BRICD5: variants seen among roughly 807,000 people sequenced by gnomAD.
The protein encoded by BRICD5 is BRICHOS domain-containing protein 5.
In BRICD5, 51 loss-of-function variants were observed where a neutral mutation model predicts 28.4. The observed-to-expected ratio is 1.80, with a 90% CI of 1.43 to 2.27. The LOEUF (loss-of-function observed/expected upper bound fraction) is 2.27. Among genes scored for constraint, BRICD5 ranks in the 30% most tolerant of loss-of-function variants. BRICD5 has a pLI of 0.00. For synonymous variants in BRICD5, 177 were observed against 130.2 expected (o/e 1.36, Z -2.44); for missense variants, 456 against 309.6 (o/e 1.47, Z -3.55).
Position 2,210,860 on chromosome 16 carries a change from G to T in BRICD5, c.-27C>A, listed in dbSNP as rs373685577. The T allele has an allele frequency of 7.5e-6, 12 of 1,599,834 alleles. No individual in the cohort carries two copies. The highest frequency in any genetic ancestry group is 1.3e-5 in the African/African-American group (1 of 75,028). ...CTGCAGCCCCTGCTCACAATGTGCC[G>T]ATTGTCTGCGTCCCTTGTCTGCAGC... On this transcript the variant is annotated 5_prime_UTR_variant, in exon 1 of 6. Transcript: ENST00000328540.
intron 5 of BRICD5, 24 bp downstream of exon 5, chr16:2,209,529 T>C (rs1567284357): frequency 6.2e-7 from 1 of 1,612,356 alleles, no homozygotes; most frequent in Non-Finnish European, 8.5e-7. Context: ...GGCCTGGCCT[T>C]CCCCCACAGC....
rs542599330 is a variant in BRICD5 at position 2,210,151 on chromosome 16, C to T, written c.311G>A (p.Trp104Ter). Reference sequence around the variant, plus strand: ...GCTCTGCCCGTCGAACAGCACCGCCCAGCTGTGGTTGCTCTGAGGTGGGGT... The same window carrying T: ...GCTCTGCCCGTCGAACAGCACCGCCTAGCTGTGGTTGCTCTGAGGTGGGGT... ...TVTPPQSNHS[W>*]AVLFDGQSGC... The change falls in exon 3 of 6, where the codon TGG (tryptophan) becomes TAG (stop). Residue 104 changes from tryptophan (W) to a stop codon, truncating the protein, a stop_gained. Coordinates refer to ENST00000328540, the MANE Select transcript of BRICD5 (RefSeq NM_182563.4). LOFTEE classifies it high-confidence loss of function. 59 of 1,609,174 alleles carry T rather than the reference C, an allele frequency of 3.7e-5. No individual in the cohort carries two copies. Among genetic ancestry groups the T allele is most frequent in the South Asian group, 3.2e-4 (29 of 90,440 alleles).
rs138206727 is a variant in BRICD5, at chr16:2,210,364, C to T, written c.181-83G>A. On this transcript the variant is annotated intron_variant, in intron 2 of 5. Coordinates refer to ENST00000328540, the MANE Select transcript of BRICD5 (RefSeq NM_182563.4). ...GCTCTGGGCTGCAGGACTCCTGACACCCCTGAGTGGGCCCTTCCACCCCTT... is the reference window on the plus strand; with the variant it reads ...GCTCTGGGCTGCAGGACTCCTGACATCCCTGAGTGGGCCCTTCCACCCCTT... 8.7e-4 allele frequency: 1,325 copies of T among 1,527,586 alleles called. 6 individuals carry two copies. In the African/African-American group the frequency reaches 0.014, roughly 16 times the overall value. 94.6% of individuals were successfully genotyped at this position (1,527,586 alleles called of 1,614,324 possible).
rs1340495947 is a variant in BRICD5 at position 2,210,296 on chromosome 16, TG to T, written c.181-16del. 2.0e-6 allele frequency: 3 copies of T among 1,516,258 alleles called. No homozygotes were observed. The highest frequency in any genetic ancestry group is 1.4e-5 in the African/African-American group (1 of 72,816). 93.9% of individuals were successfully genotyped at this position (1,516,258 alleles called of 1,614,324 possible). ...TGCAGCCTTGGCTGGCAGTGGGAGTTGGAGTTCAGCCGGGCAGCTGTGCAAC... is the reference window on the plus strand; with the variant it reads ...TGCAGCCTTGGCTGGCAGTGGGAGTTGAGTTCAGCCGGGCAGCTGTGCAAC... On this transcript the variant is annotated splice_polypyrimidine_tract_variant and intron_variant, in intron 2 of 5. Transcript: ENST00000328540.
intron 3 of BRICD5, 34 bp downstream of exon 3, chr16:2,210,092 C>T (rs1374499979): frequency 6.2e-7 from 1 of 1,603,894 alleles, no homozygotes; most frequent in Admixed American, 1.7e-5. Flanking sequence ...CCCAGACCGA[C>T]ACCTGCCAGG....
intron 4 of BRICD5, 83 bp from the exon 5 acceptor site, chr16:2,209,789 A>G (rs2093364710): frequency 5.5e-6 from 8 of 1,445,746 alleles, no homozygotes; most frequent in Non-Finnish European, 7.5e-6. Flanking sequence ...TCCAACCCCC[A>G]GTGATGTCCC....
At position 2,210,816 on chromosome 16, in the gene BRICD5, G is replaced by T; in HGVS notation, c.18C>A (p.Cys6Ter). ...GCCCAGGTTTGGGGCGCTCAGCACA[G>T]CAGCTTGCTGGTTCCATCCTGCAGC... is the stretch of plus-strand genomic sequence containing the variant. MEPAS[C>*]CAERPKPGPT... The change falls in exon 1 of 6, where the codon TGC becomes TGA. Residue 6 changes from cysteine to a stop codon, truncating the protein, a stop_gained. Coordinates refer to ENST00000328540, the MANE Select transcript of BRICD5 (RefSeq NM_182563.4). LOFTEE classifies it high-confidence loss of function. 3 of 1,603,772 alleles carry T rather than the reference G, an allele frequency of 1.9e-6. No individual in the cohort carries two copies. The highest frequency in any genetic ancestry group is 2.5e-6 in the Non-Finnish European group (3 of 1,179,910).
In BRICD5 at chr16:2,210,204, C is replaced by T. The variant is rs748338800; in HGVS notation, c.258G>A (p.Val86=). The stretch of plus-strand genomic sequence containing the variant: ...CTGTGATGGTCGCCGCGTTCCGGGC[C>T]ACGTCCACCAGGATGGTTTGGTTGG... ...PRPNQTILVD[V]ARNAATITVT... Residue 86 remains valine (V), a synonymous_variant, in exon 3 of 6, where the codon GTG becomes GTA. Transcript: ENST00000328540. The T allele has an allele frequency of 8.2e-6, 13 of 1,591,020 alleles. No homozygotes were observed. The highest frequency in any genetic ancestry group is 3.3e-4 in the Middle Eastern group (2 of 6,052).
In BRICD5 at chr16:2,209,931, G is replaced by T. The variant is rs201280772; in HGVS notation, c.438+19C>A. On this transcript the variant is annotated intron_variant, in intron 4 of 5. Transcript: ENST00000328540. ...TGTCTAGCCCCTGGCCCGGGCCTGC[G>T]CCCAGCAGGACGGCTCACCTTGGAG... is the stretch of plus-strand genomic sequence containing the variant. 3.6e-3 allele frequency: 5,452 copies of T among 1,501,540 alleles called. 22 individuals carry two copies. Among genetic ancestry groups the T allele is most frequent in the Non-Finnish European group, 4.5e-3 (5,037 of 1,125,188 alleles). The allele number at this position is 1,501,540 out of a possible 1,614,324, so 93.0% of individuals were successfully genotyped here.
chr16:2,209,836 G>A (rs765948167), intron 4 of BRICD5, 114 bp downstream of exon 4: 47 of 1,383,436 alleles, frequency 3.4e-5, no homozygotes, highest in South Asian at 9.7e-5. Context: ...GGCTTAGGGC[G>A]GAGAGAGCTT....
In BRICD5 at chr16:2,209,463, C is replaced by T. The variant is rs369383984; in HGVS notation, c.593-7G>A. 1.8e-4 allele frequency: 288 copies of T among 1,613,476 alleles called. 2 individuals are homozygous for T. In the South Asian group the frequency reaches 2.0e-3, roughly 11 times the overall value. On this transcript the variant is annotated splice_region_variant and splice_polypyrimidine_tract_variant and intron_variant, in intron 5 of 5. Coordinates refer to ENST00000328540, the MANE Select transcript of BRICD5 (RefSeq NM_182563.4). ...AGCCGCTGTCTCCGGGGCCCTGTGG[C>T]GAGGGTGCCGTGAATCTCCAAGGGC...
Position 2,210,567 on chromosome 16 carries a change from C to G in BRICD5, c.135G>C (p.Gly45=). Residue 45 remains glycine, a synonymous_variant, in exon 2 of 6, where the codon GGG becomes GGC. Coordinates refer to ENST00000328540, the MANE Select transcript of BRICD5 (RefSeq NM_182563.4). ...LLLLLVLAAV[G]VVAGGLLGSA... ...AGCCAAGAAGCCCTCCAGCCACAAC[C>G]CCCACAGCGGCCAGCACCAGCAGCA... is the stretch of plus-strand genomic sequence containing the variant. The G allele has an allele frequency of 1.2e-6, 2 of 1,612,668 alleles. No individual in the cohort carries two copies. Among genetic ancestry groups the G allele is most frequent in the Non-Finnish European group, 1.7e-6 (2 of 1,179,740 alleles).
In BRICD5 at chr16:2,210,581, G is replaced by A. The variant is rs770553983; in HGVS notation, c.121C>T (p.Leu41=). 1 of 1,612,226 alleles carries A rather than the reference G, an allele frequency of 6.2e-7. No individual in the cohort carries two copies. Among genetic ancestry groups the A allele is most frequent in the Non-Finnish European group, 8.5e-7 (1 of 1,179,596 alleles). Residue 41 remains leucine (L), a synonymous_variant, in exon 2 of 6, where the codon CTG becomes TTG. Coordinates refer to ENST00000328540, the MANE Select transcript of BRICD5 (RefSeq NM_182563.4). ...SLLLLLLLLV[L]AAVGVVAGGL... is the part of the protein sequence containing the mutation. ...CCAGCCACAACCCCCACAGCGGCCAGCACCAGCAGCAGCAGCAGCAGGAGC... is the reference window on the plus strand; with the variant it reads ...CCAGCCACAACCCCCACAGCGGCCAACACCAGCAGCAGCAGCAGCAGGAGC...
chr16:2,210,032 G>A lies in BRICD5; in HGVS notation c.356C>T (p.Pro119Leu), dbSNP rs2093366412. The change falls in exon 4 of 6, where the codon CCT (proline) becomes CTT (leucine). Residue 119 changes from proline to leucine, a missense_variant. Transcript: ENST00000328540. ...DGQSGCICYR[P>L]EEHQVCFLRL... ...GAGGAAGCAGACCTGGTGCTCCTCA[G>A]GGCGGTAACAGATGCAGCCCTGGGG... The A allele has an allele frequency of 6.3e-7, 1 of 1,590,832 alleles. No individual in the cohort carries two copies. Among genetic ancestry groups the A allele is most frequent in the Non-Finnish European group, 8.6e-7 (1 of 1,166,104 alleles).
Position 2,210,542 on chromosome 16 carries a change from A to G in BRICD5, c.160T>C (p.Ser54Pro), listed in dbSNP as rs1416688207. The change falls in exon 2 of 6, where the codon TCT (serine) becomes CCT (proline). Residue 54 changes from serine (S) to proline (P), a missense_variant. Physicochemically the swap from Ser to Pro is moderately conservative, Grantham distance 74. Transcript: ENST00000328540. ...VGVVAGGLLG[S>P]AQGPPKPRLQ... ...CTCACCTTGGGAGGGCCCTGAGCAG[A>G]GCCAAGAAGCCCTCCAGCCACAACC... The G allele has an allele frequency of 6.2e-7, 1 of 1,611,904 alleles. No individual in the cohort carries two copies. The highest frequency in any genetic ancestry group is 1.7e-5 in the Admixed American group (1 of 59,888).
chr16:2,210,722 G>T (rs774805682), intron 1 of BRICD5, 61 bp downstream of exon 1: 1 of 1,609,826 alleles, frequency 6.2e-7, no homozygotes, highest in Non-Finnish European at 8.5e-7. Flanking sequence ...GGGAAGGGAG[G>T]GGCTGGGTGG....
intron 4 of BRICD5, 105 bp from the exon 5 acceptor site, chr16:2,209,811 C>G (rs1025100752): frequency 5.7e-6 from 8 of 1,414,624 alleles, no homozygotes; most frequent in Admixed American, 2.2e-5. Flanking sequence ...ACCCTCAGCT[C>G]TTGTCAGCAG....
chr16:2,210,526 G>A lies in BRICD5; in HGVS notation c.176C>T (p.Pro59Leu). 1.9e-6 allele frequency: 3 copies of A among 1,605,556 alleles called. No homozygotes were observed. The highest frequency in any genetic ancestry group is 2.6e-6 in the Non-Finnish European group (3 of 1,175,886). The change falls in exon 2 of 6, where the codon CCC becomes CTC. Residue 59 changes from proline (P) to leucine (L), a missense_variant. By Grantham distance (98) the Pro-to-Leu change is moderately conservative. Transcript: ENST00000328540. ...GGLLGSAQGP[P>L]KPRLQTLRMT... ...TGGTGCTGAGGAGGGGCTCACCTTG[G>A]GAGGGCCCTGAGCAGAGCCAAGAAG...
In BRICD5 at chr16:2,209,557, T is replaced by G. The variant is rs1173782135; in HGVS notation, c.588A>C (p.Ala196=). The G allele has an allele frequency of 6.2e-7, 1 of 1,611,982 alleles. No homozygotes were observed. The highest frequency in any genetic ancestry group is 8.5e-7 in the Non-Finnish European group (1 of 1,179,940). Residue 196 remains alanine, a synonymous_variant, in exon 5 of 6, where the codon GCA becomes GCC. Transcript: ENST00000328540. ...MRTPIYWARR[A]EGPRRQRLIY... Reference sequence around the variant, plus strand: ...CCCACAGCGGTCCTGACTCACCCTCTGCTCGCCGGGCCCAGTAGATGGGGG... The same window carrying G: ...CCCACAGCGGTCCTGACTCACCCTCGGCTCGCCGGGCCCAGTAGATGGGGG...
Sources: allele counts gnomAD v4.1 joint callset, GRCh38; gene constraint gnomAD v4.1.1; transcripts MANE v1.5; gene names NCBI Gene and HGNC (gene_info 2026-07-23, HGNC 2026-07-21).